IMMP2L: variants seen among roughly 807,000 people sequenced by gnomAD.
The protein encoded by IMMP2L is mitochondrial inner membrane protease subunit 2.
IMMP2L carries 18 observed loss-of-function variants against 19.3 expected under a neutral mutation model. The ratio of observed to expected loss-of-function variants is 0.93; its 90% CI spans 0.64 to 1.38. The LOEUF (loss-of-function observed/expected upper bound fraction) is 1.38. Among genes scored for constraint, IMMP2L ranks in the 40% most tolerant of loss-of-function variants. The probability of loss-of-function intolerance (pLI) is 0.00; values close to 1 mark genes in which losing one functional copy is unlikely to be tolerated. For synonymous variants in IMMP2L, 76 were observed against 73.0 expected (o/e 1.04, Z -0.21); for missense variants, 233 against 218.2 (o/e 1.07, Z -0.43).
At chr7:111,146,169 T>C (rs1253500554) in intron 3 of IMMP2L, among the ~76,000 whole-genome samples, 2 of 150,090 alleles carry the variant, frequency 1.3e-5, no homozygotes, top group East Asian at 4.0e-4. Context: ...AAACTTATAA[T>C]TCAAAATAGA....
intron 3 of IMMP2L, among the ~76,000 whole-genome samples, chr7:111,226,239 G>T (rs933927050): frequency 6.6e-6 from 1 of 151,552 alleles, no homozygotes; most frequent in East Asian, 1.9e-4. Context: ...CTGCAGTCTC[G>T]ACCTCCCAGA....
At chr7:111,023,862 A>G (rs889023296) in intron 3 of IMMP2L, among the ~76,000 whole-genome samples, 4 of 152,242 alleles carry the variant, frequency 2.6e-5, no homozygotes, top group Non-Finnish European at 5.9e-5. Context: ...TGAGGAGTCC[A>G]TGACTCTCAT....
chr7:110,818,146 CA>C (rs1802702130), intron 5 of IMMP2L, among the ~76,000 whole-genome samples: 1 of 151,966 alleles, frequency 6.6e-6, no homozygotes. Flanking sequence ...TTCTGCACAG[CA>C]AAAGAAACTA....
intron 3 of IMMP2L, among the ~76,000 whole-genome samples, chr7:111,302,809 TA>T (rs149104598): frequency 0.019 from 2,936 of 152,202 alleles, 102 homozygotes; most frequent in African/African-American, 0.067. Context: ...TATTGCCATA[TA>T]AGGAAAGGGT....
intron 3 of IMMP2L, among the ~76,000 whole-genome samples, chr7:111,366,430 T>C (rs1279194540): frequency 6.6e-6 from 1 of 150,846 alleles, no homozygotes; most frequent in African/African-American, 2.4e-5. Flanking sequence ...TGAAGAATTG[T>C]TATAGATTAA....
At chr7:111,330,010 A>G (rs906469525) in intron 3 of IMMP2L, among the ~76,000 whole-genome samples, 1 of 151,916 alleles carries the variant, frequency 6.6e-6, no homozygotes, top group African/African-American at 2.4e-5. Flanking sequence ...GAAGAAAACC[A>G]TAACACTCAA....
chr7:111,492,354 A>G (rs1843183523), intron 2 of IMMP2L: 8 of 979,370 alleles, frequency 8.2e-6, no homozygotes, highest in Non-Finnish European at 9.7e-6. Flanking sequence ...CACTTACCCT[A>G]TCCCCCATAC....
intron 3 of IMMP2L, among the ~76,000 whole-genome samples, chr7:111,181,204 G>A (rs1807668321): frequency 6.6e-6 from 1 of 151,958 alleles, no homozygotes; most frequent in Non-Finnish European, 1.5e-5. Flanking sequence ...ACATCACTGA[G>A]CCTAATTTCC....
intron 5 of IMMP2L, among the ~76,000 whole-genome samples, chr7:110,667,479 A>G (rs996991088): frequency 1.3e-5 from 2 of 152,202 alleles, no homozygotes; most frequent in Non-Finnish European, 2.9e-5. Flanking sequence ...TGACCTTAAG[A>G]TAACAAGAAT....
chr7:110,942,179 T>C (rs1816803854), intron 4 of IMMP2L, among the ~76,000 whole-genome samples: 1 of 151,892 alleles, frequency 6.6e-6, no homozygotes, highest in Non-Finnish European at 1.5e-5. Context: ...CATTCAAGAG[T>C]TAAGTTTCTT....
intron 4 of IMMP2L, among the ~76,000 whole-genome samples, chr7:110,908,852 AG>A (rs1389918091): frequency 1.3e-5 from 2 of 152,248 alleles, no homozygotes; most frequent in African/African-American, 4.8e-5. Flanking sequence ...AGTGCCTTGT[AG>A]GTGCCATGCA....
chr7:110,902,537 C>A (rs1322520640), intron 4 of IMMP2L, among the ~76,000 whole-genome samples: 1 of 149,182 alleles, frequency 6.7e-6, no homozygotes, highest in Non-Finnish European at 1.5e-5. Context: ...ACCCTGAGTT[C>A]TTTGGTTTGT....
At chr7:111,334,785 T>G (rs1826226895) in intron 3 of IMMP2L, among the ~76,000 whole-genome samples, 1 of 152,096 alleles carries the variant, frequency 6.6e-6, no homozygotes. Context: ...ACCAGACTAC[T>G]AAAATTATTG....
At chr7:110,776,422 G>C (rs566661347) in intron 5 of IMMP2L, among the ~76,000 whole-genome samples, 5 of 152,100 alleles carry the variant, frequency 3.3e-5, no homozygotes, top group African/African-American at 1.2e-4. Context: ...TAGCACACTA[G>C]GTCTCGAGTT....
At chr7:110,893,389 G>A (rs1317718925) in intron 4 of IMMP2L, among the ~76,000 whole-genome samples, 4 of 152,012 alleles carry the variant, frequency 2.6e-5, no homozygotes, top group East Asian at 1.9e-4. Context: ...CACACAATAC[G>A]TATTCTTTTA....
chr7:110,917,485 A>T (rs1005246419), intron 4 of IMMP2L, among the ~76,000 whole-genome samples: 5 of 152,200 alleles, frequency 3.3e-5, no homozygotes, highest in African/African-American at 1.2e-4. Context: ...AACCTTTTTA[A>T]GGACTCTGTG....
chr7:111,536,294 GGTTGTTTTTT>G (rs554300138), intron 1 of IMMP2L, among the ~76,000 whole-genome samples: 6 of 152,042 alleles, frequency 3.9e-5, no homozygotes, highest in South Asian at 2.1e-4. Context: ...ATTGGTGGTG[GGTTGTTTTTT>G]GTTGTTTTTT....
chr7:111,455,108 G>A (rs887491636), intron 3 of IMMP2L, among the ~76,000 whole-genome samples: 2 of 151,770 alleles, frequency 1.3e-5, no homozygotes, highest in Non-Finnish European at 2.9e-5. Flanking sequence ...TTACAACCAT[G>A]CAGTTGTAAG....
chr7:110,765,747 G>A lies in IMMP2L; in HGVS notation c.409-102026C>T, dbSNP rs574489984. Among the ~76,000 whole-genome samples, 370 of 152,144 alleles carry A rather than the reference G, an allele frequency of 2.4e-3. 1 individual carries two copies. The highest frequency in any genetic ancestry group is 8.3e-3 in the African/African-American group (345 of 41,502). ...TACATTGTGAAATGATCAAATTGGG[G>A]TAATTAGCTTATCAATAACCTCAAA... On this transcript the variant is annotated intron_variant, in intron 5 of 5. Transcript: ENST00000405709.
Sources: allele counts gnomAD v4.1 joint callset (sites outside exome capture counted in the v4.1 genomes callset), GRCh38; gene constraint gnomAD v4.1.1; transcripts MANE v1.5; gene names NCBI Gene and HGNC (gene_info 2026-07-23, HGNC 2026-07-21).